ZIM2: variants seen among roughly 807,000 people sequenced by gnomAD.
The protein encoded by ZIM2 is zinc finger protein 656.
A neutral mutation model predicts 38.6 loss-of-function variants in ZIM2; 14 were observed. The observed-to-expected ratio is 0.36, with a 90% CI of 0.24 to 0.57. The LOEUF is 0.57. Ranked by LOEUF, ZIM2 falls within the 20% of genes least tolerant of loss-of-function variation. ZIM2 has a pLI of 0.81. For missense variants in ZIM2, 680 were observed against 695.1 expected (o/e 0.98, Z 0.24); for synonymous variants, 247 against 245.8 (o/e 1.00, Z -0.04).
intron 9 of ZIM2, chr19:56,811,665 CTCGTT>C: frequency 2.0e-6 from 2 of 985,416 alleles, no homozygotes; most frequent in African/African-American, 1.7e-5. Flanking sequence ...AACACTGATT[CTCGTT>C]TCAAGAGTCC....
intron 9 of ZIM2, among the ~76,000 whole-genome samples, chr19:56,802,629 G>T (rs561683168): frequency 2.6e-5 from 4 of 152,312 alleles, no homozygotes; most frequent in Non-Finnish European, 5.9e-5. Context: ...CTCAGTCCTG[G>T]ATCTAAAAGA....
intron 9 of ZIM2, among the ~76,000 whole-genome samples, chr19:56,794,065 A>T (rs866936258): frequency 9.2e-5 from 14 of 152,202 alleles, no homozygotes; most frequent in African/African-American, 3.1e-4. Context: ...TTTGCTAAAC[A>T]TTTATTAGCT....
intron 9 of ZIM2, chr19:56,815,775 G>A: frequency 6.2e-7 from 1 of 1,613,766 alleles, no homozygotes; most frequent in Non-Finnish European, 8.5e-7. Flanking sequence ...CTTCATAGTT[G>A]CGATTCTTAC....
chr19:56,798,286 G>C (rs2047330017), intron 9 of ZIM2: 1 of 152,088 alleles, frequency 6.6e-6, no homozygotes, highest in African/African-American at 2.4e-5. Context: ...TGCATCTCAT[G>C]GCTAAAATAC....
intron 9 of ZIM2, among the ~76,000 whole-genome samples, chr19:56,809,531 T>C (rs1486643246): frequency 6.6e-6 from 1 of 152,144 alleles, no homozygotes; most frequent in Admixed American, 6.5e-5. Flanking sequence ...CACAGGCATG[T>C]TTAAAAATTA....
chr19:56,816,744 C>G (rs748642290), intron 9 of ZIM2: 1 of 1,614,082 alleles, frequency 6.2e-7, no homozygotes. Flanking sequence ...CCTTACACAC[C>G]CTGCACTCGT....
intron 7 of ZIM2, 38 bp from the exon 8 acceptor site, chr19:56,818,740 C>A: frequency 6.3e-7 from 1 of 1,588,884 alleles, no homozygotes; most frequent in South Asian, 1.1e-5. Context: ...TGGAGTCTGT[C>A]CCCACCGATG....
intron 9 of ZIM2, among the ~76,000 whole-genome samples, chr19:56,807,601 G>A (rs567014054): frequency 6.6e-6 from 1 of 152,208 alleles, no homozygotes; most frequent in Non-Finnish European, 1.5e-5. Flanking sequence ...TTGAGCCCTG[G>A]GCACCATATT....
At position 56,775,167 on chromosome 19, in the gene ZIM2, G is replaced by C. The variant is rs1424746132; in HGVS notation, c.1198C>G (p.Pro400Ala). ...GTCTTCTGATGTCTGTTGAGGTGTG[G>C]CATGAGATAGAAGGCTTCAGCACAC... Reference protein sequence around the residue: ...KQCAEAFYLMPHLNRHQKTHS... With the variant: ...KQCAEAFYLMAHLNRHQKTHS... The change falls in exon 13 of 13, where the codon CCA (proline) becomes GCA (alanine). Residue 400 changes from proline (P) to alanine (A), a missense_variant. Transcript: ENST00000629319. 1 of 1,613,974 alleles carries C rather than the reference G, an allele frequency of 6.2e-7. No individual in the cohort carries two copies.
intron 10 of ZIM2, among the ~76,000 whole-genome samples, chr19:56,784,041 G>A (rs573966969): frequency 6.6e-6 from 1 of 152,232 alleles, no homozygotes; most frequent in East Asian, 1.9e-4. Context: ...TAGCCATTTT[G>A]CTCAAAATGT....
At chr19:56,799,330 C>G (rs1162343481) in intron 9 of ZIM2, 1 of 152,176 alleles carries the variant, frequency 6.6e-6, no homozygotes, top group Non-Finnish European at 1.5e-5. Flanking sequence ...CCATTATCCT[C>G]AGCAAATTAA....
intron 1 of ZIM2, among the ~76,000 whole-genome samples, chr19:56,840,304 G>A (rs1315350902): frequency 1.3e-5 from 2 of 152,156 alleles, no homozygotes; most frequent in Non-Finnish European, 2.9e-5. Context: ...CTCAGACCCC[G>A]GACTGCAAGA....
intron 9 of ZIM2, chr19:56,799,766 A>C (rs1568584425): frequency 6.6e-6 from 1 of 152,260 alleles, no homozygotes; most frequent in African/African-American, 2.4e-5. Context: ...CATAATAGCC[A>C]AAAATCTGGA....
At chr19:56,781,896 T>A in intron 11 of ZIM2, 57 bp downstream of exon 11, 2 of 1,573,388 alleles carry the variant, frequency 1.3e-6, no homozygotes, top group Non-Finnish European at 1.7e-6. Context: ...CACGAAGGAG[T>A]TGAGAGCTAC....
At chr19:56,822,517 C>A in intron 6 of ZIM2, 2 of 417,750 alleles carry the variant, frequency 4.8e-6, no homozygotes, top group Non-Finnish European at 4.1e-6. Context: ...TTTAATGCAC[C>A]AGCTTAAGAA....
rs771227473 is a variant in ZIM2 at position 56,774,631 on chromosome 19, C to T, written c.*57G>A. 4.7e-5 allele frequency: 74 copies of T among 1,560,788 alleles called. No individual in the cohort carries two copies. Among genetic ancestry groups the T allele is most frequent in the Non-Finnish European group, 5.9e-5 (68 of 1,151,090 alleles). On this transcript the variant is annotated 3_prime_UTR_variant, in exon 13 of 13. Transcript: ENST00000629319. ...GTGAAAGGCCTTCTCACACTCACAACACTCTAGGAGGAAGCCAATAATGTT... is the reference window on the plus strand; with the variant it reads ...GTGAAAGGCCTTCTCACACTCACAATACTCTAGGAGGAAGCCAATAATGTT...
At position 56,775,157 on chromosome 19, in the gene ZIM2, T is replaced by C. The variant is rs1366277620; in HGVS notation, c.1208A>G (p.Asn403Ser). The C allele has an allele frequency of 2.5e-6, 4 of 1,614,164 alleles. No individual in the cohort carries two copies. Among genetic ancestry groups the C allele is most frequent in the Non-Finnish European group, 3.4e-6 (4 of 1,180,030 alleles). ...AEAFYLMPHLNRHQKTHSGRK... is the reference protein window; with the variant it reads ...AEAFYLMPHLSRHQKTHSGRK... The stretch of plus-strand genomic sequence containing the variant: ...ACCAGAATGGGTCTTCTGATGTCTG[T>C]TGAGGTGTGGCATGAGATAGAAGGC... Residue 403 changes from asparagine (N) to serine (S), a missense_variant, in exon 13 of 13, where the codon AAC becomes AGC. By Grantham distance (46) the Asn-to-Ser change is conservative. Transcript: ENST00000629319.
chr19:56,792,530 C>CA (rs1215431208), intron 9 of ZIM2, among the ~76,000 whole-genome samples: 2,834 of 20,546 alleles, frequency 0.14, 334 homozygotes, highest in African/African-American at 0.17. Context: ...GACTCTGTCT[C>CA]AAAAAAAAAA....
intron 12 of ZIM2, among the ~76,000 whole-genome samples, chr19:56,777,428 C>T (rs949652151): frequency 2.6e-5 from 4 of 152,232 alleles, no homozygotes; most frequent in African/African-American, 7.2e-5. Flanking sequence ...TCTACAACCA[C>T]GGCCTCAGCC....
Sources: gnomAD v4.1 joint callset for allele counts (sites outside exome capture counted in the v4.1 genomes callset) on GRCh38, gnomAD v4.1.1 for gene constraint, MANE v1.5 for transcripts, NCBI Gene and HGNC (gene_info 2026-07-23, HGNC 2026-07-21) for gene names.